Variants in NSUN6 observed in about 807,000 individuals in gnomAD.
NSUN6 encodes the protein NOP2/Sun RNA methyltransferase 6.
NSUN6 carries 64 observed loss-of-function variants against 58.0 expected under a neutral mutation model. The observed-to-expected ratio is 1.10, with a 90% CI of 0.90 to 1.36. The LOEUF is 1.36. Ranked by LOEUF, NSUN6 falls within the 40% of genes most tolerant of loss-of-function variation. NSUN6 has a pLI of 0.00. For synonymous variants in NSUN6, 231 were observed against 193.9 expected (o/e 1.19, Z -1.59); for missense variants, 701 against 550.1 (o/e 1.27, Z -2.74).
chr10:18,641,364 T>A (rs925482076), intron 3 of NSUN6, among the ~76,000 whole-genome samples: 1 of 151,866 alleles, frequency 6.6e-6, no homozygotes, highest in Admixed American at 6.6e-5. Context: ...GAAAACTTAT[T>A]TTTCCTTTTT....
chr10:18,571,438 T>C (rs1462718449), intron 8 of NSUN6, among the ~76,000 whole-genome samples: 1 of 151,066 alleles, frequency 6.6e-6, no homozygotes, highest in African/African-American at 2.4e-5. Flanking sequence ...CTTCATTCCA[T>C]TCCAAACCAT....
chr10:18,574,025 CCT>C (rs943487376), intron 8 of NSUN6, among the ~76,000 whole-genome samples: 2 of 152,064 alleles, frequency 1.3e-5, no homozygotes, highest in Admixed American at 6.6e-5. Context: ...CATAACTGCC[CCT>C]GTTTTAGCCT....
At position 18,578,291 on chromosome 10, in the gene NSUN6, T is replaced by C. The variant is rs949840159; in HGVS notation, c.922+7658A>G. Reference sequence around the variant, plus strand: ...TTGTGTCACCCAAGCTGGAGTGCCGTGGCACCATCTCGGCTCACTGCAACC... The same window carrying C: ...TTGTGTCACCCAAGCTGGAGTGCCGCGGCACCATCTCGGCTCACTGCAACC... On this transcript the variant is annotated intron_variant, in intron 8 of 10. Coordinates refer to ENST00000377304, the MANE Select transcript of NSUN6 (RefSeq NM_182543.5). Among the ~76,000 whole-genome samples the C allele has an allele frequency of 2.7e-5, 4 of 148,302 alleles. No individual in the cohort carries two copies. The South Asian group carries it at 8.6e-4, about 32-fold the overall frequency.
intron 8 of NSUN6, among the ~76,000 whole-genome samples, chr10:18,556,497 A>T (rs1415630232): frequency 6.8e-6 from 1 of 146,380 alleles, no homozygotes; most frequent in East Asian, 2.1e-4. Flanking sequence ...AGAATGGAAT[A>T]GAGAATGGAA....
chr10:18,633,193 G>A (rs2059098124), intron 3 of NSUN6, among the ~76,000 whole-genome samples: 1 of 151,418 alleles, frequency 6.6e-6, no homozygotes, highest in Admixed American at 6.6e-5. Context: ...ACTCATAGGT[G>A]GGAATTGAAC....
At chr10:18,647,481 T>G (rs2059578686) in intron 2 of NSUN6, among the ~76,000 whole-genome samples, 1 of 152,166 alleles carries the variant, frequency 6.6e-6, no homozygotes, top group East Asian at 1.9e-4. Flanking sequence ...AAGGCAAAGC[T>G]TTCAAAAGCA....
chr10:18,591,769 T>C (rs748946623), intron 7 of NSUN6, among the ~76,000 whole-genome samples: 1 of 152,194 alleles, frequency 6.6e-6, no homozygotes, highest in African/African-American at 2.4e-5. Flanking sequence ...TCATACCGAA[T>C]GGGCAAAAGC....
chr10:18,548,337 T>A, intron 9 of NSUN6, 100 bp from the exon 10 acceptor site: 1 of 1,053,998 alleles, frequency 9.5e-7, no homozygotes, highest in Non-Finnish European at 1.4e-6. Flanking sequence ...ATGTTTGGGA[T>A]AAATAAAATG....
intron 8 of NSUN6, among the ~76,000 whole-genome samples, chr10:18,582,961 T>C (rs2056970359): frequency 6.6e-6 from 1 of 152,146 alleles, no homozygotes; most frequent in Non-Finnish European, 1.5e-5. Context: ...GTCAGGCCTC[T>C]GAGACGAAGC....
At chr10:18,586,631 G>T (rs1014190111) in intron 7 of NSUN6, among the ~76,000 whole-genome samples, 7 of 152,200 alleles carry the variant, frequency 4.6e-5, no homozygotes, top group African/African-American at 1.4e-4. Flanking sequence ...TGGTCTCGCT[G>T]ACTTCAGGAG....
intron 2 of NSUN6, among the ~76,000 whole-genome samples, chr10:18,645,106 T>G (rs1255657687): frequency 7.3e-6 from 1 of 136,206 alleles, no homozygotes; most frequent in Non-Finnish European, 1.5e-5. Flanking sequence ...TGCAGTGAGC[T>G]GAGATCGCGC....
At chr10:18,554,001 G>A (rs1291023100) in intron 8 of NSUN6, among the ~76,000 whole-genome samples, 2 of 150,780 alleles carry the variant, frequency 1.3e-5, no homozygotes, top group Admixed American at 1.3e-4. Flanking sequence ...AATGGAGAAT[G>A]TAATTGATTA....
At chr10:18,633,235 A>G (rs1341266342) in intron 3 of NSUN6, among the ~76,000 whole-genome samples, 2 of 141,428 alleles carry the variant, frequency 1.4e-5, no homozygotes, top group Non-Finnish European at 3.0e-5. Flanking sequence ...GAAGGGGAAC[A>G]TCACACTCTG....
intron 8 of NSUN6, among the ~76,000 whole-genome samples, chr10:18,573,140 C>T (rs994384213): frequency 6.6e-6 from 1 of 151,324 alleles, no homozygotes; most frequent in African/African-American, 2.4e-5. Context: ...CCATTCCGTT[C>T]CACTCTCCAT....
chr10:18,618,956 A>T (rs995531044), intron 3 of NSUN6, among the ~76,000 whole-genome samples: 1 of 152,096 alleles, frequency 6.6e-6, no homozygotes, highest in African/African-American at 2.4e-5. Flanking sequence ...AATCATTTTA[A>T]GAAAACTGTT....
chr10:18,617,148 A>G (rs1008832904), intron 3 of NSUN6, among the ~76,000 whole-genome samples: 2 of 151,742 alleles, frequency 1.3e-5, no homozygotes, highest in African/African-American at 4.8e-5. Context: ...AATCACTCAC[A>G]AAAACAATCC....
At chr10:18,621,165 T>C (rs2131389302) in intron 3 of NSUN6, among the ~76,000 whole-genome samples, 1 of 152,318 alleles carries the variant, frequency 6.6e-6, no homozygotes, top group African/African-American at 2.4e-5. Flanking sequence ...AATGTGGGTA[T>C]GTACCAGGCA....
intron 3 of NSUN6, among the ~76,000 whole-genome samples, chr10:18,628,191 G>A (rs2058894652): frequency 6.6e-6 from 1 of 152,080 alleles, no homozygotes; most frequent in Non-Finnish European, 1.5e-5. Flanking sequence ...TGCAGCTGAG[G>A]GTCCTGTCTG....
At chr10:18,569,473 C>T (rs2056208511) in intron 8 of NSUN6, among the ~76,000 whole-genome samples, 1 of 151,046 alleles carries the variant, frequency 6.6e-6, no homozygotes, top group Non-Finnish European at 1.5e-5. Context: ...CATTCCTTTC[C>T]ATCCTCCATT....
Sources: gnomAD v4.1 joint callset for allele counts (sites outside exome capture counted in the v4.1 genomes callset) on GRCh38, gnomAD v4.1.1 for gene constraint, MANE v1.5 for transcripts, NCBI Gene and HGNC (gene_info 2026-07-23, HGNC 2026-07-21) for gene names.